The following ATXN7L1 variants were observed in gnomAD, a reference collection of about 807,000 sequenced individuals.
The protein encoded by ATXN7L1 is ataxin 7 like 1.
In ATXN7L1, 15 loss-of-function variants were observed where a neutral mutation model predicts 70.8. That is an observed-to-expected ratio of 0.21 (90% CI 0.14 to 0.33). The LOEUF (loss-of-function observed/expected upper bound fraction) is 0.33. Ranked by LOEUF, ATXN7L1 falls within the 10% of genes least tolerant of loss-of-function variation. ATXN7L1 has a pLI of 1.00. For synonymous variants in ATXN7L1, 440 were observed against 445.1 expected (o/e 0.99, Z 0.14); for missense variants, 975 against 1,097.1 (o/e 0.89, Z 1.57).
At chr7:105,803,900 T>C (rs145834098) in intron 2 of ATXN7L1, among the ~76,000 whole-genome samples, 202 of 152,282 alleles carry the variant, frequency 1.3e-3, no homozygotes, top group African/African-American at 4.7e-3. Context: ...GAGATGGGAC[T>C]ATAATACTGT....
intron 11 of ATXN7L1, among the ~76,000 whole-genome samples, chr7:105,608,773 C>T (rs1275145690): frequency 6.6e-6 from 1 of 152,240 alleles, no homozygotes; most frequent in Non-Finnish European, 1.5e-5. Flanking sequence ...TTTACCCAAA[C>T]TCTACCCAAG....
rs77251574 is a variant in ATXN7L1 at position 105,688,846 on chromosome 7, C to T, written c.356-23558G>A. Among the ~76,000 whole-genome samples, 574 of 152,284 alleles carry T rather than the reference C, an allele frequency of 3.8e-3. 6 individuals carry two copies. Among genetic ancestry groups the T allele is most frequent in the East Asian group, 0.014 (72 of 5,182 alleles). On this transcript the variant is annotated intron_variant, in intron 3 of 11. Transcript: ENST00000419735. ...GTAGCTGGTCTGAAAATGTATGACT[C>T]CAGGTCATAGTCTGGGAGTGATCAA...
chr7:105,840,210 G>A (rs1012582980), intron 2 of ATXN7L1, among the ~76,000 whole-genome samples: 1 of 152,194 alleles, frequency 6.6e-6, no homozygotes, highest in African/African-American at 2.4e-5. Flanking sequence ...TAGGAGCAGA[G>A]TGACAATCCG....
rs143233935 is a variant in ATXN7L1, at chr7:105,851,876, C to T, written c.250+23936G>A. The stretch of plus-strand genomic sequence containing the variant: ...TTCACAGGGCACAAGTGAAGAATCA[C>T]GATTCTGTTTCCCTCTTGCACCCTC... On this transcript the variant is annotated intron_variant, in intron 2 of 11. Coordinates refer to ENST00000419735, the MANE Select transcript of ATXN7L1 (RefSeq NM_020725.2). 6.6e-5 allele frequency among the ~76,000 whole-genome samples: 10 copies of T among 152,320 alleles called. No individual in the cohort carries two copies. In the East Asian group the frequency reaches 1.2e-3, roughly 18 times the overall value.
chr7:105,786,354 C>T lies in ATXN7L1; in HGVS notation c.355+2250G>A, dbSNP rs573615840. On this transcript the variant is annotated intron_variant, in intron 3 of 11. Coordinates refer to ENST00000419735, the MANE Select transcript of ATXN7L1 (RefSeq NM_020725.2). Reference sequence around the variant, plus strand: ...GTTGGGGGAGGCAGGTGTATCAGCTCTGCTAAACACCAGAGCCTCCTCCCT... The same window carrying T: ...GTTGGGGGAGGCAGGTGTATCAGCTTTGCTAAACACCAGAGCCTCCTCCCT... Among the ~76,000 whole-genome samples, 4 of 152,332 alleles carry T rather than the reference C, an allele frequency of 2.6e-5. No homozygotes were observed. The East Asian group carries it at 5.8e-4, about 22-fold the overall frequency.
intron 2 of ATXN7L1, among the ~76,000 whole-genome samples, chr7:105,790,187 G>C (rs149809971): frequency 1.9e-4 from 29 of 152,326 alleles, no homozygotes; most frequent in Admixed American, 1.4e-3. Flanking sequence ...AACAGGTATA[G>C]AGTTTCTTTT....
At chr7:105,622,931 G>A (rs1790056) in intron 8 of ATXN7L1, among the ~76,000 whole-genome samples, 147,189 of 152,276 alleles carry the variant, frequency 0.97, 71,336 homozygotes, top group East Asian at 1. Flanking sequence ...ATTGTCCCTC[G>A]GCTCCATGAC....
At chr7:105,861,144 G>C (rs57026078) in intron 2 of ATXN7L1, among the ~76,000 whole-genome samples, 3 of 152,236 alleles carry the variant, frequency 2.0e-5, no homozygotes, top group East Asian at 1.9e-4. Context: ...GGCAGAGAAG[G>C]GGGCAGGGAA....
chr7:105,708,412 C>A (rs954704956), intron 3 of ATXN7L1, among the ~76,000 whole-genome samples: 1 of 152,144 alleles, frequency 6.6e-6, no homozygotes. Flanking sequence ...GTTGAGTGGG[C>A]CAGTAAGGGC....
Position 105,840,500 on chromosome 7 carries a change from T to C in ATXN7L1, c.250+35312A>G, listed in dbSNP as rs1426447478. Among the ~76,000 whole-genome samples, 4 of 152,186 alleles carry C rather than the reference T, an allele frequency of 2.6e-5. No individual in the cohort carries two copies. The East Asian group carries it at 7.7e-4, about 29-fold the overall frequency. ...GAGTCCAGGCTGCCAACACACCAGC[T>C]CTTCTGCCACATTTTCTGAACCTTC... is the stretch of plus-strand genomic sequence containing the variant. On this transcript the variant is annotated intron_variant, in intron 2 of 11. Transcript: ENST00000419735.
chr7:105,613,833 G>A (rs750962197), intron 10 of ATXN7L1, 29 bp downstream of exon 10: 69 of 1,551,654 alleles, frequency 4.4e-5, no homozygotes, highest in East Asian at 1.2e-4. Flanking sequence ...CCCCAGAGCC[G>A]GTGAAGGCGG....
At chr7:105,739,061 C>G (rs1401869960) in intron 3 of ATXN7L1, among the ~76,000 whole-genome samples, 1 of 152,080 alleles carries the variant, frequency 6.6e-6, no homozygotes, top group African/African-American at 2.4e-5. Context: ...GAAGAGTGAT[C>G]AAATGCAAAT....
At chr7:105,859,180 A>G (rs1175885570) in intron 2 of ATXN7L1, among the ~76,000 whole-genome samples, 1 of 152,112 alleles carries the variant, frequency 6.6e-6, no homozygotes, top group Non-Finnish European at 1.5e-5. Context: ...ATTTTAGGAG[A>G]TGCATGCTGA....
chr7:105,730,802 G>A (rs1479338216), intron 3 of ATXN7L1, among the ~76,000 whole-genome samples: 3 of 152,100 alleles, frequency 2.0e-5, no homozygotes, highest in South Asian at 2.1e-4. Context: ...TGCCCTAGAC[G>A]AGATCCTGGA....
chr7:105,673,011 A>T (rs779021300), intron 3 of ATXN7L1, among the ~76,000 whole-genome samples: 1 of 152,160 alleles, frequency 6.6e-6, no homozygotes, highest in Admixed American at 6.5e-5. Flanking sequence ...GCCTCCTTAA[A>T]CATCCAGGTG....
At chr7:105,683,536 G>A (rs752539000) in intron 3 of ATXN7L1, among the ~76,000 whole-genome samples, 9 of 152,062 alleles carry the variant, frequency 5.9e-5, no homozygotes, top group Non-Finnish European at 1.2e-4. Context: ...AAAATTAGCC[G>A]AGCGTGGTGG....
intron 2 of ATXN7L1, among the ~76,000 whole-genome samples, chr7:105,838,670 G>T (rs1730485850): frequency 6.6e-6 from 1 of 152,184 alleles, no homozygotes; most frequent in Non-Finnish European, 1.5e-5. Context: ...AAGGCCTGTG[G>T]CTGGCAAACA....
chr7:105,620,104 A>G lies in ATXN7L1; in HGVS notation c.1517+96T>C, dbSNP rs1794712511. ...CCTGACTTCAGAATCATTTTGTTCT[A>G]TGAAAAGTCAGCCACTGACATTTAT... On this transcript the variant is annotated intron_variant, in intron 9 of 11. Transcript: ENST00000419735. The G allele has an allele frequency of 6.3e-6, 9 of 1,431,382 alleles. No individual in the cohort carries two copies. In the East Asian group the frequency reaches 1.3e-4, roughly 20 times the overall value. 88.7% of individuals were successfully genotyped at this position (1,431,382 alleles called of 1,614,324 possible).
chr7:105,682,654 G>T (rs1402184427), intron 3 of ATXN7L1, among the ~76,000 whole-genome samples: 1 of 152,160 alleles, frequency 6.6e-6, no homozygotes, highest in East Asian at 1.9e-4. Context: ...TCAAAAACAT[G>T]ATGGTAAATG....
Sources: allele counts gnomAD v4.1 joint callset (sites outside exome capture counted in the v4.1 genomes callset), GRCh38; gene constraint gnomAD v4.1.1; transcripts MANE v1.5; gene names NCBI Gene and HGNC (gene_info 2026-07-23, HGNC 2026-07-21).